The following DIAPH3 variants were observed in gnomAD, a reference collection of about 807,000 sequenced individuals.
DIAPH3 encodes the protein diaphanous related formin 3.
Under a neutral mutation model 144.3 loss-of-function variants are expected in DIAPH3, and 117 were observed. The observed-to-expected ratio is 0.81, with a 90% CI of 0.70 to 0.95. The LOEUF is 0.95. Among genes scored for constraint, DIAPH3 ranks in the 40% least tolerant of loss-of-function variants. DIAPH3 has a pLI of 0.00. For synonymous variants in DIAPH3, 519 were observed against 488.9 expected (o/e 1.06, Z -0.81); for missense variants, 1,421 against 1,412.7 (o/e 1.01, Z -0.09).
chr13:60,084,245 C>T (rs1378456190), intron 4 of DIAPH3, among the ~76,000 whole-genome samples: 1 of 151,956 alleles, frequency 6.6e-6, no homozygotes, highest in Non-Finnish European at 1.5e-5. Context: ...TGGCAAGGTT[C>T]TATTTACTTA....
chr13:60,006,661 G>C (rs1460165981), intron 9 of DIAPH3, among the ~76,000 whole-genome samples: 1 of 152,130 alleles, frequency 6.6e-6, no homozygotes, highest in Non-Finnish European at 1.5e-5. Flanking sequence ...GGAGAGCAGG[G>C]AAGGGGGAGC....
chr13:60,089,691 T>A (rs957537005), intron 4 of DIAPH3, among the ~76,000 whole-genome samples: 1 of 152,144 alleles, frequency 6.6e-6, no homozygotes, highest in African/African-American at 2.4e-5. Flanking sequence ...AAGTCTATAT[T>A]CTTCTTAAAA....
At chr13:59,817,540 C>T (rs904938580) in intron 24 of DIAPH3, among the ~76,000 whole-genome samples, 1 of 151,826 alleles carries the variant, frequency 6.6e-6, no homozygotes, top group Non-Finnish European at 1.5e-5. Flanking sequence ...TTACTTCAAA[C>T]ATTTCTATAT....
intron 27 of DIAPH3, among the ~76,000 whole-genome samples, chr13:59,742,844 A>G (rs1038690014): frequency 1.3e-5 from 2 of 152,240 alleles, no homozygotes; most frequent in African/African-American, 4.8e-5. Context: ...ATAAGTTGAC[A>G]TGACTCAACA....
At chr13:59,724,333 G>T (rs75970961) in intron 27 of DIAPH3, among the ~76,000 whole-genome samples, 6,519 of 152,248 alleles carry the variant, frequency 0.043, 233 homozygotes, top group South Asian at 0.11. Context: ...TTCCAAACCA[G>T]CTTAGGAGCC....
chr13:59,887,788 T>C (rs953242705), intron 20 of DIAPH3, among the ~76,000 whole-genome samples: 1 of 152,126 alleles, frequency 6.6e-6, no homozygotes, highest in Non-Finnish European at 1.5e-5. Flanking sequence ...CTAGAATTTA[T>C]TCAAAGAGGA....
intron 20 of DIAPH3, among the ~76,000 whole-genome samples, chr13:59,895,919 T>C (rs1371403452): frequency 6.6e-6 from 1 of 152,144 alleles, no homozygotes; most frequent in Non-Finnish European, 1.5e-5. Context: ...AGACAGAAAA[T>C]AGGGACAAGA....
chr13:59,699,877 C>T (rs2034004426), intron 27 of DIAPH3, among the ~76,000 whole-genome samples: 1 of 152,188 alleles, frequency 6.6e-6, no homozygotes, highest in Admixed American at 6.5e-5. Flanking sequence ...CACACTCTCC[C>T]TTGGTCAACC....
chr13:59,976,598 C>A (rs1407499372), intron 14 of DIAPH3, among the ~76,000 whole-genome samples: 1 of 151,800 alleles, frequency 6.6e-6, no homozygotes, highest in East Asian at 1.9e-4. Flanking sequence ...ACAACACACA[C>A]TTCTGGTTCT....
In DIAPH3 at chr13:60,028,931, C is replaced by T. The variant is rs557446411; in HGVS notation, c.627-12786G>A. Among the ~76,000 whole-genome samples the T allele has an allele frequency of 3.3e-5, 5 of 151,886 alleles. No homozygotes were observed. In the East Asian group the frequency reaches 5.9e-4, roughly 18 times the overall value. On this transcript the variant is annotated intron_variant, in intron 5 of 27. Transcript: ENST00000400324. The stretch of plus-strand genomic sequence containing the variant: ...AAAATTAGCCAGGTGTGGTGGCATG[C>T]GCCTGTAGTCCCAGCTACTCAGGAG...
Position 60,036,595 on chromosome 13 carries a change from A to G in DIAPH3, c.626+6095T>C, listed in dbSNP as rs1594450506. On this transcript the variant is annotated intron_variant, in intron 5 of 27. Coordinates refer to ENST00000400324, the MANE Select transcript of DIAPH3 (RefSeq NM_001042517.2). The stretch of plus-strand genomic sequence containing the variant: ...GAAAGAAAAACAAAGGAAAGGAAAA[A>G]GAGAAAAGAAATACACCCAATAAAA... Among the ~76,000 whole-genome samples the G allele has an allele frequency of 2.6e-5, 4 of 152,162 alleles. No homozygotes were observed. In the East Asian group the frequency reaches 7.7e-4, roughly 29 times the overall value.
chr13:60,000,571 G>C (rs1361034499), intron 9 of DIAPH3, among the ~76,000 whole-genome samples: 1 of 152,050 alleles, frequency 6.6e-6, no homozygotes, highest in Non-Finnish European at 1.5e-5. Context: ...TATATCTAAA[G>C]AGTATACTAA....
At chr13:60,088,239 T>C (rs1594631675) in intron 4 of DIAPH3, among the ~76,000 whole-genome samples, 1 of 152,184 alleles carries the variant, frequency 6.6e-6, no homozygotes, top group Non-Finnish European at 1.5e-5. Context: ...CTAAGTATTC[T>C]TGGAGACACA....
intron 27 of DIAPH3, among the ~76,000 whole-genome samples, chr13:59,746,251 C>T (rs1454271109): frequency 6.6e-6 from 1 of 152,044 alleles, no homozygotes; most frequent in African/African-American, 2.4e-5. Context: ...GAGACAGAGT[C>T]TTGCTCTGTG....
chr13:60,068,761 T>C (rs889734539), intron 4 of DIAPH3, among the ~76,000 whole-genome samples: 1 of 152,188 alleles, frequency 6.6e-6, no homozygotes, highest in Non-Finnish European at 1.5e-5. Flanking sequence ...TGTTCCTGCA[T>C]CACTTTGCTT....
intron 23 of DIAPH3, 146 bp from the exon 24 acceptor site, chr13:59,833,417 A>C (rs1188349761): frequency 1.2e-5 from 7 of 603,108 alleles, no homozygotes; most frequent in African/African-American, 1.1e-4. Context: ...GACCATTCTT[A>C]AAGTCAGTCT....
rs183944385 is a variant in DIAPH3, at chr13:59,833,007, T to C, written c.3027+100A>G. ...TTATAGCTTTCAAAATCAGAAAAGA[T>C]AGGTTTTCCTACAGCAACAAGAGTA... On this transcript the variant is annotated intron_variant, in intron 24 of 27. Coordinates refer to ENST00000400324, the MANE Select transcript of DIAPH3 (RefSeq NM_001042517.2). The C allele has an allele frequency of 5.9e-5, 53 of 898,532 alleles. No homozygotes were observed. In the African/African-American group the frequency reaches 7.8e-4, roughly 13 times the overall value. 55.7% of individuals were successfully genotyped at this position (898,532 alleles called of 1,614,324 possible). A position where few individuals can be genotyped will look rare whatever the true frequency, so the allele number is the denominator to read the frequency against.
intron 2 of DIAPH3, among the ~76,000 whole-genome samples, chr13:60,112,854 C>T (rs2058606153): frequency 6.6e-6 from 1 of 152,166 alleles, no homozygotes; most frequent in East Asian, 1.9e-4. Context: ...TTCAAAAAAG[C>T]ATAGATATTA....
At position 59,666,019 on chromosome 13, in the gene DIAPH3, A is replaced by G. The variant is rs1484231320; in HGVS notation, c.*565T>C. On this transcript the variant is annotated 3_prime_UTR_variant, in exon 28 of 28. Transcript: ENST00000400324. ...GGGTCTACTTAACATGAATTCAACA[A>G]TGATGATAATGGGGTCACCAGTCAT... 6.6e-6 allele frequency: 1 copy of G among 152,626 alleles called. No homozygotes were observed. Among genetic ancestry groups the G allele is most frequent in the Non-Finnish European group, 1.5e-5 (1 of 68,406 alleles). The allele number at this position is 152,626 out of a possible 1,614,324, so 9.5% of individuals were successfully genotyped here. A position where few individuals can be genotyped will look rare whatever the true frequency, so the allele number is the denominator to read the frequency against.
Sources: allele counts gnomAD v4.1 joint callset (sites outside exome capture counted in the v4.1 genomes callset), GRCh38; gene constraint gnomAD v4.1.1; transcripts MANE v1.5; gene names NCBI Gene and HGNC (gene_info 2026-07-23, HGNC 2026-07-21).